Variants in ADGRB3 observed in about 807,000 individuals in gnomAD.
The protein encoded by ADGRB3 is adhesion G protein-coupled receptor B3.
ADGRB3 carries 37 observed loss-of-function variants against 193.4 expected under a neutral mutation model. The observed-to-expected ratio is 0.19, with a 90% confidence interval of 0.15 to 0.25. ADGRB3 has a LOEUF of 0.25. Ranked by LOEUF, ADGRB3 falls within the 10% of genes least tolerant of loss-of-function variation. ADGRB3 has a pLI of 1.00. For synonymous variants in ADGRB3, 690 were observed against 644.2 expected (o/e 1.07, Z -1.08); for missense variants, 1,637 against 1,852.9 (o/e 0.88, Z 2.14).
At chr6:68,748,741 C>A (rs909886928) in intron 3 of ADGRB3, among the ~76,000 whole-genome samples, 1 of 152,176 alleles carries the variant, frequency 6.6e-6, no homozygotes, top group African/African-American at 2.4e-5. Context: ...CCCAGTAGGG[C>A]CTCTGTGTGG....
chr6:68,860,206 A>G (rs542676599), intron 3 of ADGRB3, among the ~76,000 whole-genome samples: 1 of 152,270 alleles, frequency 6.6e-6, no homozygotes, highest in Non-Finnish European at 1.5e-5. Context: ...ATATATATAT[A>G]GTTCAAAAGG....
intron 17 of ADGRB3, among the ~76,000 whole-genome samples, chr6:69,124,980 T>G (rs553485892): frequency 2.0e-5 from 3 of 152,230 alleles, no homozygotes; most frequent in African/African-American, 7.2e-5. Context: ...TGGCTGGCTC[T>G]GGGGGAATCT....
At chr6:69,087,072 C>A (rs1326019971) in intron 17 of ADGRB3, among the ~76,000 whole-genome samples, 1 of 152,102 alleles carries the variant, frequency 6.6e-6, no homozygotes, top group Non-Finnish European at 1.5e-5. Flanking sequence ...GAATTATACA[C>A]ACATATAGAT....
intron 3 of ADGRB3, among the ~76,000 whole-genome samples, chr6:68,726,294 C>T (rs915249388): frequency 1.3e-5 from 2 of 151,616 alleles, no homozygotes; most frequent in African/African-American, 4.8e-5. Context: ...TCTCTGCCTT[C>T]TCAATTCAGA....
intron 17 of ADGRB3, among the ~76,000 whole-genome samples, chr6:69,211,125 A>G (rs1243314393): frequency 6.6e-6 from 1 of 152,218 alleles, no homozygotes; most frequent in Admixed American, 6.5e-5. Flanking sequence ...CCGTCTCAAA[A>G]GAAAAAAAAG....
chr6:68,915,155 G>A (rs1582311659), intron 3 of ADGRB3, among the ~76,000 whole-genome samples: 1 of 152,120 alleles, frequency 6.6e-6, no homozygotes, highest in African/African-American at 2.4e-5. Context: ...AGCATGACTT[G>A]GCCATCAATT....
At chr6:69,248,768 A>T (rs79935302) in intron 20 of ADGRB3, among the ~76,000 whole-genome samples, 1 of 152,180 alleles carries the variant, frequency 6.6e-6, no homozygotes, top group Non-Finnish European at 1.5e-5. Context: ...GAAGTATCTT[A>T]TGTGCATACC....
At chr6:68,997,434 G>A (rs551763893) in intron 11 of ADGRB3, among the ~76,000 whole-genome samples, 1 of 147,682 alleles carries the variant, frequency 6.8e-6, no homozygotes, top group Admixed American at 6.8e-5. Flanking sequence ...CTTGAGGTCA[G>A]GAGTTTGAGA....
At position 69,360,482 on chromosome 6, in the gene ADGRB3, G is replaced by A. The variant is rs189722516; in HGVS notation, c.3596-387G>A. On this transcript the variant is annotated intron_variant, in intron 28 of 31. Coordinates refer to ENST00000370598, the MANE Select transcript of ADGRB3 (RefSeq NM_001704.3). ...AGCCATTAAGAAAAAAATCAAATTT[G>A]TATGAATATGTTCATAATTTTACAA... Among the ~76,000 whole-genome samples, 15 of 151,948 alleles carry A rather than the reference G, an allele frequency of 9.9e-5. No individual in the cohort carries two copies. The East Asian group carries it at 2.9e-3, about 29-fold the overall frequency.
chr6:68,889,506 TA>T (rs1414458477), intron 3 of ADGRB3, among the ~76,000 whole-genome samples: 4 of 67,820 alleles, frequency 5.9e-5, no homozygotes, highest in South Asian at 5.0e-4. Context: ...TTTTCTCTTT[TA>T]TTTTTTTTTT....
At chr6:69,206,051 A>G (rs1280251088) in intron 17 of ADGRB3, among the ~76,000 whole-genome samples, 29 of 89,552 alleles carry the variant, frequency 3.2e-4, no homozygotes, top group Non-Finnish European at 4.9e-4. Flanking sequence ...AATGGTATAT[A>G]TATATATATA....
chr6:69,339,634 C>T, intron 26 of ADGRB3, 130 bp downstream of exon 26: 1 of 1,149,558 alleles, frequency 8.7e-7, no homozygotes, highest in South Asian at 1.5e-5. Context: ...ACTTGGGAAT[C>T]AAAGCTGAAG....
intron 17 of ADGRB3, 35 bp downstream of exon 17, chr6:69,076,073 C>T: frequency 3.8e-6 from 6 of 1,594,934 alleles, no homozygotes; most frequent in Non-Finnish European, 5.2e-6. Context: ...TTACTTTGGG[C>T]TAAATTTTCA....
chr6:68,895,551 A>T (rs1487933087), intron 3 of ADGRB3, among the ~76,000 whole-genome samples: 1 of 152,014 alleles, frequency 6.6e-6, no homozygotes, highest in Admixed American at 6.6e-5. Flanking sequence ...CTTACATGAA[A>T]ATATTTCATA....
intron 20 of ADGRB3, among the ~76,000 whole-genome samples, chr6:69,307,731 C>T (rs1768097173): frequency 6.6e-6 from 1 of 151,224 alleles, no homozygotes; most frequent in Non-Finnish European, 1.5e-5. Context: ...TTAATGAAGA[C>T]ACCAGAAGAA....
At chr6:68,937,820 A>G (rs1226867223) in intron 5 of ADGRB3, among the ~76,000 whole-genome samples, 2 of 152,210 alleles carry the variant, frequency 1.3e-5, no homozygotes, top group African/African-American at 4.8e-5. Context: ...CAGATTTGCA[A>G]AATGAAAAAG....
At chr6:69,065,766 C>T (rs768472416) in intron 16 of ADGRB3, among the ~76,000 whole-genome samples, 26 of 63,228 alleles carry the variant, frequency 4.1e-4, no homozygotes, top group African/African-American at 1.0e-3. Context: ...TATATATATA[C>T]ACACACACAC....
At chr6:68,884,964 T>C (rs1356247465) in intron 3 of ADGRB3, among the ~76,000 whole-genome samples, 1 of 152,202 alleles carries the variant, frequency 6.6e-6, no homozygotes. Flanking sequence ...TCTTAGGAAG[T>C]TGGTAATATA....
intron 8 of ADGRB3, among the ~76,000 whole-genome samples, chr6:68,959,258 A>G (rs972186846): frequency 2.0e-5 from 3 of 152,116 alleles, no homozygotes; most frequent in Non-Finnish European, 2.9e-5. Flanking sequence ...CAGCCATTAT[A>G]TTGCTTCAAA....
Sources: allele counts gnomAD v4.1 joint callset (sites outside exome capture counted in the v4.1 genomes callset), GRCh38; gene constraint gnomAD v4.1.1; transcripts MANE v1.5; gene names NCBI Gene and HGNC (gene_info 2026-07-23, HGNC 2026-07-21).